TMPRSS11E: variants seen among roughly 807,000 people sequenced by gnomAD.
TMPRSS11E encodes transmembrane serine protease 11E.
Under a neutral mutation model 48.1 loss-of-function variants are expected in TMPRSS11E, and 38 were observed. The ratio of observed to expected loss-of-function variants is 0.79; its 90% CI spans 0.61 to 1.04. TMPRSS11E has a LOEUF of 1.04. Among genes scored for constraint, TMPRSS11E ranks in the 50% least tolerant of loss-of-function variants. The pLI is 0.00. For missense variants in TMPRSS11E, 530 were observed against 510.8 expected (o/e 1.04, Z -0.36); for synonymous variants, 158 against 171.9 (o/e 0.92, Z 0.63).
chr4:68,459,407 A>T (rs760470516), intron 1 of TMPRSS11E, among the ~76,000 whole-genome samples: 1 of 152,212 alleles, frequency 6.6e-6, no homozygotes, highest in African/African-American at 2.4e-5. Context: ...ACCATAAAAC[A>T]AACAAATCCA....
At chr4:68,487,027 A>G (rs893287659) in intron 9 of TMPRSS11E, among the ~76,000 whole-genome samples, 1 of 151,906 alleles carries the variant, frequency 6.6e-6, no homozygotes, top group Admixed American at 6.6e-5. Flanking sequence ...TGCATTTGAG[A>G]TGGGTCTCCT....
intron 2 of TMPRSS11E, among the ~76,000 whole-genome samples, chr4:68,462,225 A>G (rs750964252): frequency 1.3e-5 from 2 of 152,102 alleles, no homozygotes; most frequent in Non-Finnish European, 2.9e-5. Context: ...GGAAAACTAC[A>G]GGATAGCTAG....
At chr4:68,486,903 T>C (rs1729569519) in intron 9 of TMPRSS11E, among the ~76,000 whole-genome samples, 1 of 152,228 alleles carries the variant, frequency 6.6e-6, no homozygotes, top group Admixed American at 6.5e-5. Context: ...TTTTTAATTA[T>C]TGTTTTAAAG....
At chr4:68,464,272 A>G (rs972766892) in intron 2 of TMPRSS11E, among the ~76,000 whole-genome samples, 1 of 152,228 alleles carries the variant, frequency 6.6e-6, no homozygotes, top group African/African-American at 2.4e-5. Flanking sequence ...CTGTCACAGA[A>G]ATAGACAGAT....
chr4:68,470,576 G>C (rs544965410), intron 4 of TMPRSS11E, among the ~76,000 whole-genome samples: 7 of 151,928 alleles, frequency 4.6e-5, no homozygotes, highest in Non-Finnish European at 1.0e-4. Flanking sequence ...GAAATGCTGT[G>C]CCAGAGAAGA....
Position 68,474,766 on chromosome 4 carries a change from G to C in TMPRSS11E, c.529+5G>C, listed in dbSNP as rs1171167731. The C allele has an allele frequency of 3.5e-5, 55 of 1,594,066 alleles. 1 individual carries two copies. The highest frequency in any genetic ancestry group is 1.5e-4 in the Admixed American group (8 of 54,684). ...CAGACAGCTATCTAAACCATTGTAA[G>C]TTTAATATATTTATTAAAATAGCAT... On this transcript the variant is annotated splice_donor_5th_base_variant and intron_variant, in intron 6 of 9. Transcript: ENST00000305363.
chr4:68,496,226 GT>G (rs933737031), intron 9 of TMPRSS11E, among the ~76,000 whole-genome samples: 1 of 150,508 alleles, frequency 6.6e-6, no homozygotes, highest in Admixed American at 6.6e-5. Context: ...TCTAATGTCT[GT>G]TTTTTTTTGT....
At chr4:68,482,590 CAAAAAAAAAAAAAAAAAAA>C (rs371144994) in intron 9 of TMPRSS11E, among the ~76,000 whole-genome samples, 1 of 106,086 alleles carries the variant, frequency 9.4e-6, no homozygotes, top group South Asian at 3.8e-4. Context: ...TGCATCTCCA[CAAAAAAAAAAAAAAAAAAA>C]AAAAAAAAAA....
At chr4:68,461,797 C>A in intron 1 of TMPRSS11E, 24 bp from the exon 2 acceptor site, 1 of 1,613,804 alleles carries the variant, frequency 6.2e-7, no homozygotes, top group South Asian at 1.1e-5. Flanking sequence ...CTGAAATAAT[C>A]TATCTATTTA....
Position 68,497,232 on chromosome 4 carries a change from A to G in TMPRSS11E, c.*428A>G, listed in dbSNP as rs908163872. On this transcript the variant is annotated 3_prime_UTR_variant, in exon 10 of 10. Coordinates refer to ENST00000305363, the MANE Select transcript of TMPRSS11E (RefSeq NM_014058.4). ...CAAGGTGCAGAACAAGGAGTGAAAG[A>G]AAATATAAGAAGAAAAAAATCCCCT... 3 of 153,064 alleles carry G rather than the reference A, an allele frequency of 2.0e-5. No individual in the cohort carries two copies. Among genetic ancestry groups the G allele is most frequent in the African/African-American group, 7.2e-5 (3 of 41,486 alleles). The allele number at this position is 153,064 out of a possible 1,614,324, so 9.5% of individuals were successfully genotyped here.
At chr4:68,489,147 T>C (rs140710605) in intron 9 of TMPRSS11E, among the ~76,000 whole-genome samples, 86 of 152,322 alleles carry the variant, frequency 5.6e-4, no homozygotes, top group African/African-American at 2.0e-3. Flanking sequence ...TTTATATTCT[T>C]TGATGCCTTT....
rs1025509609 is a variant in TMPRSS11E, at chr4:68,477,695, T to C, written c.967+67T>C. The C allele has an allele frequency of 3.2e-6, 5 of 1,557,008 alleles. No individual in the cohort carries two copies. In the African/African-American group the frequency reaches 6.8e-5, roughly 21 times the overall value. On this transcript the variant is annotated intron_variant, in intron 8 of 9. Coordinates refer to ENST00000305363, the MANE Select transcript of TMPRSS11E (RefSeq NM_014058.4). The stretch of plus-strand genomic sequence containing the variant: ...ATTTTATGGCATTTAAGCAATGAAA[T>C]GCCATTATGCCAAAATATGTTAGTT...
intron 9 of TMPRSS11E, among the ~76,000 whole-genome samples, chr4:68,486,539 CT>C (rs1229469425): frequency 1.3e-5 from 2 of 152,050 alleles, no homozygotes; most frequent in African/African-American, 4.8e-5. Context: ...TTTAGAATTG[CT>C]TTATGGCCAA....
rs767681071 is a variant in TMPRSS11E, at chr4:68,497,011, T to A, written c.*207T>A. 3 of 514,298 alleles carry A rather than the reference T, an allele frequency of 5.8e-6. No homozygotes were observed. Among genetic ancestry groups the A allele is most frequent in the African/African-American group, 2.0e-5 (1 of 51,130 alleles). The allele number at this position is 514,298 out of a possible 1,614,324, so 31.9% of individuals were successfully genotyped here. A position where few individuals can be genotyped will look rare whatever the true frequency, so the allele number is the denominator to read the frequency against. On this transcript the variant is annotated 3_prime_UTR_variant, in exon 10 of 10. Coordinates refer to ENST00000305363, the MANE Select transcript of TMPRSS11E (RefSeq NM_014058.4). ...TCTGCCAGATCAACTCTGTCATCTG[T>A]GAGCAATAGTTGAAACTTTATGTAC...
At chr4:68,464,703 C>T (rs955962) in intron 2 of TMPRSS11E, among the ~76,000 whole-genome samples, 27,260 of 151,996 alleles carry the variant, frequency 0.18, 2,825 homozygotes, top group Admixed American at 0.25. Flanking sequence ...TATTTTTGAC[C>T]TGTACTAATG....
Position 68,477,423 on chromosome 4 carries a change from GA to G in TMPRSS11E, c.766del (p.Met256Ter), listed in dbSNP as rs1560555064. ...CCTTTGGAGTAACAATAAAACCTTC[GA>G]AAATGAAACGGGGTCTCCGGAGAAT... The part of the protein sequence containing the change: ...ASFGVTIKPS[K>X]MKRGLRRIIV... On this transcript the variant is annotated frameshift_variant, in exon 8 of 10. Coordinates refer to ENST00000305363, the MANE Select transcript of TMPRSS11E (RefSeq NM_014058.4). LOFTEE classifies it high-confidence loss of function. The G allele has an allele frequency of 1.9e-6, 3 of 1,613,930 alleles. No individual in the cohort carries two copies. The highest frequency in any genetic ancestry group is 2.5e-6 in the Non-Finnish European group (3 of 1,179,940).
intron 7 of TMPRSS11E, among the ~76,000 whole-genome samples, chr4:68,477,152 A>T (rs1298896671): frequency 1.3e-5 from 2 of 152,084 alleles, no homozygotes; most frequent in Non-Finnish European, 2.9e-5. Context: ...TTTGGAGTGG[A>T]TGACTTGGCA....
intron 9 of TMPRSS11E, 116 bp downstream of exon 9, chr4:68,479,107 C>A: frequency 3.4e-6 from 4 of 1,180,070 alleles, no homozygotes; most frequent in Non-Finnish European, 4.8e-6. Flanking sequence ...ACATCTCACC[C>A]AGTTTTCTCC....
At chr4:68,467,090 A>C (rs1032339104) in intron 3 of TMPRSS11E, among the ~76,000 whole-genome samples, 1 of 152,082 alleles carries the variant, frequency 6.6e-6, no homozygotes, top group Non-Finnish European at 1.5e-5. Flanking sequence ...ACTTCCTAAA[A>C]AAGAGACCCC....
Sources: allele counts gnomAD v4.1 joint callset (sites outside exome capture counted in the v4.1 genomes callset), GRCh38; gene constraint gnomAD v4.1.1; transcripts MANE v1.5; gene names NCBI Gene and HGNC (gene_info 2026-07-23, HGNC 2026-07-21).